METTL27: variants seen among roughly 807,000 people sequenced by gnomAD.
METTL27 encodes the protein methyltransferase like 27.
A neutral mutation model predicts 24.5 loss-of-function variants in METTL27; 29 were observed. That is an observed-to-expected ratio of 1.18 (90% CI 0.88 to 1.61). The LOEUF is 1.61. Ranked by LOEUF, METTL27 falls within the 40% of genes most tolerant of loss-of-function variation. The probability of loss-of-function intolerance (pLI) is 0.00; values close to 1 mark genes in which losing one functional copy is unlikely to be tolerated. For missense variants in METTL27, 341 were observed against 324.3 expected, an observed-to-expected ratio of 1.05 and a Z score of -0.40; for synonymous variants, 138 against 146.8, an observed-to-expected ratio of 0.94 and a Z score of 0.43.
chr7:73,842,494 A>C lies in METTL27; in HGVS notation c.-9T>G, dbSNP rs1363694881. 5.5e-5 allele frequency: 14 copies of C among 253,238 alleles called. No individual in the cohort carries two copies. The highest frequency in any genetic ancestry group is 8.2e-5 in the Non-Finnish European group (11 of 134,508). The allele number at this position is 253,238 out of a possible 1,614,324, so 15.7% of individuals were successfully genotyped here. A position where few individuals can be genotyped will look rare whatever the true frequency, so the allele number is the denominator to read the frequency against. On this transcript the variant is annotated 5_prime_UTR_variant, in exon 1 of 6. In the 5' UTR this introduces an upstream ATG that the reference lacks. Coordinates refer to ENST00000297873, the MANE Select transcript of METTL27 (RefSeq NM_152559.3). Reference sequence around the variant, plus strand: ...GAGGCCGGAGTCAGAACTCACCGCCAATCCAGCGCGCCTCGGGCGTGTGGG... The same window carrying C: ...GAGGCCGGAGTCAGAACTCACCGCCCATCCAGCGCGCCTCGGGCGTGTGGG...
chr7:73,838,118 G>T (rs184634050), intron 5 of METTL27, among the ~76,000 whole-genome samples: 72 of 152,202 alleles, frequency 4.7e-4, no homozygotes, highest in African/African-American at 1.7e-3. Context: ...TTCCCAAAGT[G>T]CTGGGATTAT....
chr7:73,840,913 G>A (rs1324197293), intron 3 of METTL27, among the ~76,000 whole-genome samples, 157 bp downstream of exon 3: 1 of 152,124 alleles, frequency 6.6e-6, no homozygotes, highest in African/African-American at 2.4e-5. Context: ...CTCCTGCCTC[G>A]GCCTCCCATA....
chr7:73,838,590 A>G (rs1788271899), intron 5 of METTL27, among the ~76,000 whole-genome samples: 1 of 152,126 alleles, frequency 6.6e-6, no homozygotes, highest in Non-Finnish European at 1.5e-5. Context: ...GAGGCTCCGG[A>G]GCAGGGGAGA....
chr7:73,840,941 C>T (rs1027006038), intron 3 of METTL27, 129 bp downstream of exon 3: 1 of 1,331,106 alleles, frequency 7.5e-7, no homozygotes, highest in Admixed American at 3.6e-5. Flanking sequence ...CCACAGTATG[C>T]CTGGTCCTGT....
At position 73,840,540 on chromosome 7, in the gene METTL27, G is replaced by T; in HGVS notation, c.262C>A (p.Pro88Thr). ...ACCCCATGCAGCTGGAGGAAGCCTGGAGCCCGCAGCTGGGGTAGGGGTGGG... is the reference window on the plus strand; with the variant it reads ...ACCCCATGCAGCTGGAGGAAGCCTGTAGCCCGCAGCTGGGGTAGGGGTGGG... The part of the protein sequence containing the change: ...TGLVAAELRA[P>T]GFLQLHGVDG... Residue 88 changes from proline (P) to threonine (T), a missense_variant, in exon 4 of 6, where the codon CCA (proline) becomes ACA (threonine). Transcript: ENST00000297873. The T allele has an allele frequency of 6.3e-7, 1 of 1,595,680 alleles. No homozygotes were observed. The highest frequency in any genetic ancestry group is 2.2e-5 in the East Asian group (1 of 44,704).
In METTL27 at chr7:73,840,134, G is replaced by GT. The variant is rs782689307; in HGVS notation, c.389-15_389-14insA. On this transcript the variant is annotated splice_polypyrimidine_tract_variant and intron_variant, in intron 4 of 5. Transcript: ENST00000297873. ...CGTCGAAGGTCCCTGTGTGTGTGTG[G>GT]GGGGGGGTGGGGACATGGTGTGATG... is the stretch of plus-strand genomic sequence containing the variant. 3.0e-5 allele frequency: 45 copies of GT among 1,480,348 alleles called. No individual in the cohort carries two copies. In the East Asian group the frequency reaches 3.8e-4, roughly 12 times the overall value. The allele number at this position is 1,480,348 out of a possible 1,614,324, so 91.7% of individuals were successfully genotyped here. A position where few individuals can be genotyped will look rare whatever the true frequency, so the allele number is the denominator to read the frequency against.
Position 73,842,040 on chromosome 7 carries a change from C to T in METTL27, c.101G>A (p.Arg34His), listed in dbSNP as rs1406906339. ...TACCTGGTCGTAGTCCGGAGCCCAG[C>T]GGTCATAGAAATGGAGCTTTTGGGC... is the stretch of plus-strand genomic sequence containing the variant. ...DLAQKLHFYD[R>H]WAPDYDQDVA... The change falls in exon 2 of 6, where the codon CGC becomes CAC. Residue 34 changes from arginine (R) to histidine (H), a missense_variant. By Grantham distance (29) the Arg-to-His change is conservative. Coordinates refer to ENST00000297873, the MANE Select transcript of METTL27 (RefSeq NM_152559.3). The T allele has an allele frequency of 6.2e-7, 1 of 1,614,104 alleles. No homozygotes were observed. The highest frequency in any genetic ancestry group is 8.5e-7 in the Non-Finnish European group (1 of 1,179,986).
chr7:73,835,429 G>A (rs868975023), intron 5 of METTL27, among the ~76,000 whole-genome samples: 5 of 141,086 alleles, frequency 3.5e-5, no homozygotes, highest in East Asian at 2.1e-4. Flanking sequence ...TGGCCAGGCC[G>A]GTCTCCAGCC....
intron 5 of METTL27, among the ~76,000 whole-genome samples, chr7:73,838,656 C>A (rs1788274210): frequency 6.6e-6 from 1 of 152,144 alleles, no homozygotes; most frequent in Non-Finnish European, 1.5e-5. Flanking sequence ...ACAGGTTGGG[C>A]TAGGAAGTCC....
At position 73,834,936 on chromosome 7, in the gene METTL27, G is replaced by T. The variant is rs1554634771; in HGVS notation, c.545C>A (p.Ala182Asp). 1.9e-6 allele frequency: 3 copies of T among 1,613,904 alleles called. No homozygotes were observed. The highest frequency in any genetic ancestry group is 1.7e-5 in the Admixed American group (1 of 60,010). Reference protein sequence around the residue: ...SNLQYKEALEATLDRLEQAGM... With the variant: ...SNLQYKEALEDTLDRLEQAGM... ...AGCCTGCTCCAGCCTGTCCAGGGTG[G>T]CCTCCAGAGCCTCCTTGTATTGAAG... is the stretch of plus-strand genomic sequence containing the variant. The change falls in exon 6 of 6, where the codon GCC becomes GAC. Residue 182 changes from alanine (A) to aspartate (D), a missense_variant. Ala to Asp is a moderately radical substitution (Grantham distance 126, BLOSUM62 -2). Coordinates refer to ENST00000297873, the MANE Select transcript of METTL27 (RefSeq NM_152559.3).
chr7:73,841,112 C>G lies in METTL27; in HGVS notation c.210G>C (p.Leu70=), dbSNP rs782774690. The G allele has an allele frequency of 2.0e-6, 3 of 1,529,752 alleles. No individual in the cohort carries two copies. The African/African-American group carries it at 4.4e-5, about 22-fold the overall frequency. The allele number at this position is 1,529,752 out of a possible 1,614,324, so 94.8% of individuals were successfully genotyped here. A position where few individuals can be genotyped will look rare whatever the true frequency, so the allele number is the denominator to read the frequency against. The part of the protein sequence containing the change: ...QALPGPPHSA[L]ILDVACGTGL... ...CTGTGCCACAGGCCACGTCCAGGAT[C>G]AGGGCACTGTGGGGCGGGCCTGGAA... is the stretch of plus-strand genomic sequence containing the variant. Residue 70 remains leucine, a synonymous_variant, in exon 3 of 6, where the codon CTG becomes CTC. Coordinates refer to ENST00000297873, the MANE Select transcript of METTL27 (RefSeq NM_152559.3).
At chr7:73,836,327 G>T (rs1788194616) in intron 5 of METTL27, among the ~76,000 whole-genome samples, 1 of 137,090 alleles carries the variant, frequency 7.3e-6, no homozygotes, top group Non-Finnish European at 1.6e-5. Flanking sequence ...TAGGTGAGGG[G>T]CGCCTCTGCC....
At position 73,835,099 on chromosome 7, in the gene METTL27, G is replaced by T. The variant is rs928237713; in HGVS notation, c.479-97C>A. ...GTTGTCCCTTCAAGGCAAGAAATTC[G>T]ACTTAAAAGATTGGGGACGCTCTCT... On this transcript the variant is annotated intron_variant, in intron 5 of 5. Coordinates refer to ENST00000297873, the MANE Select transcript of METTL27 (RefSeq NM_152559.3). 6.2e-6 allele frequency: 9 copies of T among 1,456,528 alleles called. No homozygotes were observed. In the South Asian group the frequency reaches 8.5e-5, roughly 14 times the overall value. The allele number at this position is 1,456,528 out of a possible 1,614,324, so 90.2% of individuals were successfully genotyped here. A position where few individuals can be genotyped will look rare whatever the true frequency, so the allele number is the denominator to read the frequency against.
intron 5 of METTL27, among the ~76,000 whole-genome samples, chr7:73,836,022 GC>G (rs1382759502): frequency 1.2e-4 from 14 of 119,004 alleles, no homozygotes; most frequent in African/African-American, 3.8e-4. Flanking sequence ...CCCGGCAGCC[GC>G]CCCGTCTGGG....
rs782566521 is a variant in METTL27, at chr7:73,834,822, G to T, written c.659C>A (p.Ala220Glu). ...AGATGAAGCCATCCTTGGCAGAGAT[G>T]CCGGATACCACCTCCAGCTCGGAGG... ...WLPPSWRWYP[A>E]SLPRMASSPA... is the part of the protein sequence containing the mutation. Residue 220 changes from alanine to glutamate, a missense_variant, in exon 6 of 6, where the codon GCA becomes GAA. Ala to Glu is a moderately radical substitution (Grantham distance 107). Transcript: ENST00000297873. The T allele has an allele frequency of 3.7e-6, 6 of 1,614,154 alleles. No individual in the cohort carries two copies. The highest frequency in any genetic ancestry group is 5.1e-6 in the Non-Finnish European group (6 of 1,180,034).
At chr7:73,836,437 C>T (rs1364228621) in intron 5 of METTL27, among the ~76,000 whole-genome samples, 1 of 143,704 alleles carries the variant, frequency 7.0e-6, no homozygotes, top group African/African-American at 2.6e-5. Flanking sequence ...CCAGCCGCCC[C>T]GTCCGGGAGG....
In METTL27 at chr7:73,842,079, C is replaced by T. The variant is rs1554636580; in HGVS notation, c.62G>A (p.Gly21Asp). 1.9e-6 allele frequency: 3 copies of T among 1,613,952 alleles called. No homozygotes were observed. In the Admixed American group the frequency reaches 5.0e-5, roughly 27 times the overall value. Residue 21 changes from glycine (G) to aspartate (D), a missense_variant, in exon 2 of 6, where the codon GGC becomes GAC. Transcript: ENST00000297873. ...EVRARVRAAH[G>D]IPDLAQKLHF... ...GAGCTTTTGGGCCAGGTCGGGGATG[C>T]CATGCGCGGCCCTGACCCGCGCCCG...
At position 73,834,679 on chromosome 7, in the gene METTL27, C is replaced by A. The variant is rs974531817; in HGVS notation, c.*64G>T. 11 of 1,475,222 alleles carry A rather than the reference C, an allele frequency of 7.5e-6. No homozygotes were observed. The highest frequency in any genetic ancestry group is 3.9e-5 in the Admixed American group (2 of 51,648). The allele number at this position is 1,475,222 out of a possible 1,614,324, so 91.4% of individuals were successfully genotyped here. A position where few individuals can be genotyped will look rare whatever the true frequency, so the allele number is the denominator to read the frequency against. On this transcript the variant is annotated 3_prime_UTR_variant, in exon 6 of 6. Transcript: ENST00000297873. ...TTTTACAGGGGAGGCAGAGGAGGCC[C>A]AGCAGATGGGCCCAGCTAAGGCCAC...
chr7:73,840,640 T>G (rs1225867995), intron 3 of METTL27, 91 bp from the exon 4 acceptor site: 2 of 1,483,574 alleles, frequency 1.3e-6, no homozygotes, highest in Non-Finnish European at 1.8e-6. Context: ...GACTCTGCAC[T>G]GAATGTGGCC....
Sources: gnomAD v4.1 joint callset for allele counts (sites outside exome capture counted in the v4.1 genomes callset) on GRCh38, gnomAD v4.1.1 for gene constraint, MANE v1.5 for transcripts, NCBI Gene and HGNC (gene_info 2026-07-23, HGNC 2026-07-21) for gene names.